NUDT16L1: variants seen among roughly 807,000 people sequenced by gnomAD.
NUDT16L1 encodes the protein nudix hydrolase 16 like 1, also known as tudor-interacting repair regulator protein.
A neutral mutation model predicts 17.3 loss-of-function variants in NUDT16L1; 19 were observed. The ratio of observed to expected loss-of-function variants is 1.10; its 90% CI spans 0.77 to 1.61. NUDT16L1 has a LOEUF of 1.61. Among genes scored for constraint, NUDT16L1 ranks in the 40% most tolerant of loss-of-function variants. The pLI, the probability that NUDT16L1 is intolerant of heterozygous loss-of-function variation, is 0.00. For synonymous variants in NUDT16L1, 255 were observed against 138.6 expected, an observed-to-expected ratio of 1.84 and a Z score of -5.90; for missense variants, 341 against 292.0, an observed-to-expected ratio of 1.17 and a Z score of -1.22.
chr16:4,694,699 G>C (rs1476192546), intron 2 of NUDT16L1: 4 of 1,424,920 alleles, frequency 2.8e-6, no homozygotes, highest in Non-Finnish European at 2.7e-6. Flanking sequence ...GGAGCATGGG[G>C]TGCGGACCCC....
chr16:4,693,843 G>A (rs749534359), exon 1 of NUDT16L1: 1 of 1,560,826 alleles, frequency 6.4e-7, no homozygotes, highest in Admixed American at 1.8e-5. Context: ...ACCCTGGGCA[G>A]CTCTTCGGCC....
chr16:4,695,124 C>T (rs2079514469), exon 3 of NUDT16L1: 1 of 1,613,348 alleles, frequency 6.2e-7, no homozygotes, highest in South Asian at 1.1e-5. Context: ...GCCCTGGCTG[C>T]AGCCACCGAG....
intron 2 of NUDT16L1, chr16:4,694,741 A>T (rs1470053750): frequency 2.2e-6 from 3 of 1,354,534 alleles, no homozygotes; most frequent in Admixed American, 6.7e-5. Flanking sequence ...GAGGGGGGGG[A>T]GTGCATGGGG....
rs759070370 is a variant in NUDT16L1, at chr16:4,693,960, A to G, written c.154-18A>G. 6.5e-7 allele frequency: 1 copy of G among 1,540,252 alleles called. No individual in the cohort carries two copies. Among genetic ancestry groups the G allele is most frequent in the South Asian group, 1.2e-5 (1 of 83,058 alleles). ...GGCGTCCGTCGACCCCGCGGCTGTG[A>G]CCCGCGCTCCCTTGCAGATGCAGAT... is the stretch of plus-strand genomic sequence containing the variant. On this transcript the variant is annotated intron_variant, in intron 1 of 2. Transcript: ENST00000304301.
chr16:4,695,006 G>A (rs1274921699), exon 3 of NUDT16L1: 4 of 1,612,486 alleles, frequency 2.5e-6, no homozygotes, highest in African/African-American at 2.7e-5. Flanking sequence ...GGACCGAGTC[G>A]GAGGCTTCCC....
chr16:4,694,675 T>G, intron 2 of NUDT16L1: 1 of 1,405,554 alleles, frequency 7.1e-7, no homozygotes, highest in Non-Finnish European at 9.2e-7. Context: ...TCAGGCTTCG[T>G]TGGGTGGACG....
chr16:4,694,919 G>A, intron 2 of NUDT16L1, 39 bp from the exon 3 acceptor site: 1 of 1,569,716 alleles, frequency 6.4e-7, no homozygotes, highest in Non-Finnish European at 8.6e-7. Context: ...GCCATTGTGT[G>A]GCAGGCCTGG....
At chr16:4,694,974 G>A (rs1390095390) in exon 3 of NUDT16L1, 5 of 1,610,042 alleles carry the variant, frequency 3.1e-6, no homozygotes, top group South Asian at 1.1e-5. Flanking sequence ...GGCCTCGTGC[G>A]GGTCCCGCTG....
At chr16:4,694,705 A>G (rs886631178) in intron 2 of NUDT16L1, 1 of 1,014,946 alleles carries the variant, frequency 9.9e-7, no homozygotes, top group Non-Finnish European at 1.2e-6. Context: ...TGGGGTGCGG[A>G]CCCCGGGGTG....
chr16:4,694,709 C>T (rs1596330393), intron 2 of NUDT16L1: 2 of 976,532 alleles, frequency 2.0e-6, no homozygotes, highest in Admixed American at 8.0e-5. Flanking sequence ...GTGCGGACCC[C>T]GGGGTGGGGT....
At chr16:4,693,651 G>A, upstream of NUDT16L1, 1 of 1,325,620 alleles carries the variant, frequency 7.5e-7, no homozygotes, top group South Asian at 2.0e-5. Flanking sequence ...GGCCGCCCGC[G>A]GATTGGCGAG....
chr16:4,693,732 G>T lies in NUDT16L1; in HGVS notation c.6G>T (p.Ser2=), dbSNP rs746889715. The T allele has an allele frequency of 2.6e-6, 4 of 1,533,950 alleles. No individual in the cohort carries two copies. In the African/African-American group the frequency reaches 4.3e-5, roughly 16 times the overall value. Residue 2 remains serine (S), a synonymous_variant, in exon 1 of 3, where the codon TCG becomes TCT. Transcript: ENST00000304301. The stretch of plus-strand genomic sequence containing the variant: ...GGGACGGGGTCAGTGCCAAGATGTC[G>T]ACGGCGGCGGTTCCGGAGCTGAAGC...
chr16:4,695,335 T>A, exon 3 of NUDT16L1: 3 of 782,570 alleles, frequency 3.8e-6, no homozygotes, highest in Non-Finnish European at 6.0e-6. Flanking sequence ...AGTCACTAGG[T>A]GGCGGCCGGG....
rs2079479704 is a variant in NUDT16L1, at chr16:4,693,974, G to A, written c.154-4G>A. The A allele has an allele frequency of 2.6e-6, 4 of 1,566,668 alleles. No individual in the cohort carries two copies. The South Asian group carries it at 4.6e-5, about 18-fold the overall frequency. Reference sequence around the variant, plus strand: ...CCGCGGCTGTGACCCGCGCTCCCTTGCAGATGCAGATGCGTTTCGACGGGC... The same window carrying A: ...CCGCGGCTGTGACCCGCGCTCCCTTACAGATGCAGATGCGTTTCGACGGGC... On this transcript the variant is annotated splice_polypyrimidine_tract_variant and splice_region_variant and intron_variant, in intron 1 of 2. Transcript: ENST00000304301.
In NUDT16L1 at chr16:4,694,899, T is replaced by G. The variant is rs1394886626; in HGVS notation, c.415-59T>G. ...GGCCTCATAGCTTCCAGGCCCCTCC[T>G]GCTGGAGGTGCCATTGTGTGGCAGG... On this transcript the variant is annotated intron_variant, in intron 2 of 2. Transcript: ENST00000304301. 5.2e-6 allele frequency: 8 copies of G among 1,545,320 alleles called. No individual in the cohort carries two copies. In the East Asian group the frequency reaches 1.7e-4, roughly 33 times the overall value.
chr16:4,694,129 C>T (rs1334611859), exon 2 of NUDT16L1: 20 of 1,589,462 alleles, frequency 1.3e-5, no homozygotes, highest in East Asian at 2.3e-5. Flanking sequence ...TCGCACCTGA[C>T]CGAGGGCCCA....
At chr16:4,694,178 G>A (rs373959829) in exon 2 of NUDT16L1, 32 of 1,576,342 alleles carry the variant, frequency 2.0e-5, no homozygotes, top group Non-Finnish European at 2.6e-5. Flanking sequence ...GGCAGCTGAC[G>A]CTGGAGCAGC....
chr16:4,694,371 G>A, intron 2 of NUDT16L1, 133 bp downstream of exon 2: 1 of 1,485,172 alleles, frequency 6.7e-7, no homozygotes, highest in Non-Finnish European at 8.9e-7. Flanking sequence ...TCCAGCAATG[G>A]GGTGGGGAGA....
intron 2 of NUDT16L1, 178 bp downstream of exon 2, chr16:4,694,416 CG>C: frequency 1.9e-6 from 1 of 513,740 alleles, no homozygotes; most frequent in South Asian, 2.3e-5. Context: ...AAAGGAGGGG[CG>C]GGGGTGGGGG....
Sources: allele counts gnomAD v4.1 joint callset, GRCh38; gene constraint gnomAD v4.1.1; transcripts MANE v1.5; gene names NCBI Gene and HGNC (gene_info 2026-07-23, HGNC 2026-07-21).